BCAR3: variants seen among roughly 807,000 people sequenced by gnomAD.
BCAR3 encodes the protein BCAR3 adaptor protein, NSP family member, also known as breast cancer anti-estrogen resistance protein 3.
Under a neutral mutation model 80.1 loss-of-function variants are expected in BCAR3, and 37 were observed. That is an observed-to-expected ratio of 0.46 (90% CI 0.36 to 0.61). The LOEUF (loss-of-function observed/expected upper bound fraction) is 0.61, where lower values mean the gene tolerates loss of function less well. Ranked by LOEUF, BCAR3 falls within the 20% of genes least tolerant of loss-of-function variation. BCAR3 has a pLI of 0.00. For missense variants in BCAR3, 978 were observed against 1,068.2 expected (o/e 0.92, Z 1.18); for synonymous variants, 389 against 418.9 (o/e 0.93, Z 0.87).
intron 2 of BCAR3, among the ~76,000 whole-genome samples, chr1:93,730,394 C>T (rs1650743421): frequency 6.6e-6 from 1 of 152,212 alleles, no homozygotes; most frequent in Admixed American, 6.5e-5. Flanking sequence ...TGGTTAACTG[C>T]ATGGCATTCC....
Position 93,567,500 on chromosome 1 carries a change from TAAG to T in BCAR3, c.2087-12_2087-10del. On this transcript the variant is annotated splice_polypyrimidine_tract_variant and intron_variant, in intron 10 of 11. Transcript: ENST00000260502. Reference sequence around the variant, plus strand: ...GGGAACACATGTGGACTCTGAAGAATAAGGAGTAGAGTTTTCCATATCACATGT... The same window carrying T: ...GGGAACACATGTGGACTCTGAAGAATGAGTAGAGTTTTCCATATCACATGT... 6.2e-7 allele frequency: 1 copy of T among 1,613,544 alleles called. No homozygotes were observed.
chr1:93,830,379 G>A (rs1654516742), intron 2 of BCAR3, among the ~76,000 whole-genome samples: 1 of 152,156 alleles, frequency 6.6e-6, no homozygotes, highest in East Asian at 1.9e-4. Flanking sequence ...ACATCCAGAT[G>A]GCCTGAAGTA....
chr1:93,650,392 A>T (rs144399861), intron 2 of BCAR3, among the ~76,000 whole-genome samples: 1 of 152,304 alleles, frequency 6.6e-6, no homozygotes, highest in African/African-American at 2.4e-5. Flanking sequence ...CTCAAAAAAG[A>T]AAACCAGAAG....
chr1:93,714,079 T>C (rs1650116700), intron 2 of BCAR3, among the ~76,000 whole-genome samples: 1 of 152,026 alleles, frequency 6.6e-6, no homozygotes, highest in Non-Finnish European at 1.5e-5. Flanking sequence ...GCCTCCTGGG[T>C]TCATGCCATT....
At position 93,592,098 on chromosome 1, in the gene BCAR3, A is replaced by G; in HGVS notation, c.486+167T>C. 1.0e-6 allele frequency: 1 copy of G among 968,846 alleles called. No individual in the cohort carries two copies. The allele number at this position is 968,846 out of a possible 1,614,324, so 60.0% of individuals were successfully genotyped here. On this transcript the variant is annotated intron_variant, in intron 4 of 11. Coordinates refer to ENST00000260502, the MANE Select transcript of BCAR3 (RefSeq NM_003567.4). This position sits in a 1 kb window ranked among gnomAD's most constrained non-coding sequence, Gnocchi z 4.8. ...TGGGTTCTTGACCTCAGCTCTTCCC[A>G]AGGTCTTCTTAGAGAAGGGTCTAAA...
chr1:93,745,366 A>G (rs1325360467), intron 2 of BCAR3, among the ~76,000 whole-genome samples: 1 of 152,242 alleles, frequency 6.6e-6, no homozygotes, highest in Non-Finnish European at 1.5e-5. Flanking sequence ...TGAGAAGAGC[A>G]GAGGGGCCCA....
At chr1:93,722,834 G>A (rs1650449629) in intron 2 of BCAR3, among the ~76,000 whole-genome samples, 1 of 152,140 alleles carries the variant, frequency 6.6e-6, no homozygotes, top group African/African-American at 2.4e-5. Context: ...GAGCCAAGGG[G>A]GAGGGGAGGG....
At chr1:93,627,361 A>G (rs1323261492) in intron 3 of BCAR3, among the ~76,000 whole-genome samples, 1 of 152,234 alleles carries the variant, frequency 6.6e-6, no homozygotes, top group Non-Finnish European at 1.5e-5. Context: ...CAGAGTCCAC[A>G]TTGCAGTTAA....
intron 3 of BCAR3, among the ~76,000 whole-genome samples, chr1:93,611,388 T>C (rs981290517): frequency 2.0e-5 from 3 of 152,212 alleles, no homozygotes; most frequent in African/African-American, 7.2e-5. Context: ...CTTGAATATG[T>C]CTGTTAATGT....
chr1:93,602,051 C>G (rs1476302183), intron 3 of BCAR3: 1 of 152,130 alleles, frequency 6.6e-6, no homozygotes, highest in Non-Finnish European at 1.5e-5. Context: ...ATTTTGATTA[C>G]AAATAAAATT....
chr1:93,830,485 C>T (rs906429493), intron 2 of BCAR3, among the ~76,000 whole-genome samples: 4 of 152,218 alleles, frequency 2.6e-5, no homozygotes, highest in Admixed American at 6.5e-5. Context: ...CTTAACTGAG[C>T]GATTAACCTT....
intron 3 of BCAR3, among the ~76,000 whole-genome samples, chr1:93,640,292 C>A (rs1424209553): frequency 6.6e-6 from 1 of 152,096 alleles, no homozygotes; most frequent in African/African-American, 2.4e-5. Flanking sequence ...TGGACCTTTA[C>A]GTCAGAGACC....
chr1:93,575,965 C>T (rs754228741), intron 8 of BCAR3, 49 bp downstream of exon 8: 1 of 1,532,806 alleles, frequency 6.5e-7, no homozygotes, highest in Non-Finnish European at 9.0e-7. Context: ...TGCTCTGATG[C>T]CTGGAAGGAG....
At chr1:93,665,643 T>C (rs188019868) in intron 2 of BCAR3, among the ~76,000 whole-genome samples, 1 of 152,322 alleles carries the variant, frequency 6.6e-6, no homozygotes, top group Admixed American at 6.5e-5. Flanking sequence ...CCTAACTTTA[T>C]ACCTTTCAGG....
At chr1:93,773,035 T>C (rs1652416178) in intron 2 of BCAR3, among the ~76,000 whole-genome samples, 1 of 152,204 alleles carries the variant, frequency 6.6e-6, no homozygotes, top group Non-Finnish European at 1.5e-5. Context: ...TGGTATTCTG[T>C]CTCTCTAGGA....
At chr1:93,626,068 G>A (rs934150769) in intron 3 of BCAR3, among the ~76,000 whole-genome samples, 6 of 152,294 alleles carry the variant, frequency 3.9e-5, no homozygotes, top group African/African-American at 7.2e-5. Flanking sequence ...GCACTTTATA[G>A]TATATGATGA....
At chr1:93,820,993 T>C (rs887078334) in intron 2 of BCAR3, among the ~76,000 whole-genome samples, 1 of 151,524 alleles carries the variant, frequency 6.6e-6, no homozygotes, top group Non-Finnish European at 1.5e-5. Flanking sequence ...AGTTACATTA[T>C]AAAAAAACAA....
chr1:93,677,890 T>C (rs1336558559), intron 1 of BCAR3, among the ~76,000 whole-genome samples: 4 of 151,936 alleles, frequency 2.6e-5, no homozygotes, highest in Non-Finnish European at 2.9e-5. Context: ...AACCAGAGAG[T>C]AGATCCCTTA....
rs371841836 is a variant in BCAR3 at position 93,589,190 on chromosome 1, C to T, written c.716G>A (p.Arg239Gln). 120 of 1,613,604 alleles carry T rather than the reference C, an allele frequency of 7.4e-5. No individual in the cohort carries two copies. Among genetic ancestry groups the T allele is most frequent in the Middle Eastern group, 3.3e-4 (2 of 6,074 alleles). The stretch of plus-strand genomic sequence containing the variant: ...GGCGCCACTCTGCTGGGAGATGGGC[C>T]GGCGGTTGCCCACGTAGCAGCGCAC... ...GLVRCYVGNR[R>Q]PISQQSGAII... is the part of the protein sequence containing the mutation. The change falls in exon 5 of 12, where the codon CGG (arginine) becomes CAG (glutamine). Residue 239 changes from arginine to glutamine, a missense_variant. By Grantham distance (43) the Arg-to-Gln change is conservative. Transcript: ENST00000260502.
Sources: gnomAD v4.1 joint callset for allele counts (sites outside exome capture counted in the v4.1 genomes callset) on GRCh38, gnomAD v4.1.1 for gene constraint, Gnocchi (gnomAD v3.1) non-coding constraint, MANE v1.5 for transcripts, NCBI Gene and HGNC (gene_info 2026-07-23, HGNC 2026-07-21) for gene names.